EXOC6B: variants seen among roughly 807,000 people sequenced by gnomAD.
EXOC6B encodes the protein SEC15 homolog B.
In EXOC6B, 54 loss-of-function variants were observed where a neutral mutation model predicts 113.5. That is an observed-to-expected ratio of 0.48 (90% confidence interval 0.38 to 0.60). EXOC6B has a LOEUF of 0.60. Ranked by LOEUF, EXOC6B falls within the 20% of genes least tolerant of loss-of-function variation. The pLI, the probability that EXOC6B is intolerant of heterozygous loss-of-function variation, is 0.00. For synonymous variants in EXOC6B, 357 were observed against 339.0 expected (o/e 1.05, Z -0.58); for missense variants, 797 against 977.5 (o/e 0.82, Z 2.46).
chr2:72,631,498 AGAGAGAGAGAGAGAGAGAGAG>A (rs1672463411), intron 6 of EXOC6B, among the ~76,000 whole-genome samples: 1 of 131,018 alleles, frequency 7.6e-6, no homozygotes, highest in Non-Finnish European at 1.6e-5. Flanking sequence ...AGAGAGAGAG[AGAGAGAGAGAGAGAGAGAGAG>A]AGAAAGACAA....
chr2:72,572,271 C>T (rs1485425814), intron 7 of EXOC6B, among the ~76,000 whole-genome samples: 5 of 152,132 alleles, frequency 3.3e-5, no homozygotes, highest in Non-Finnish European at 5.9e-5. Context: ...CCATCCTCAC[C>T]AGGGACCTTG....
chr2:72,564,906 T>A (rs1442122061), intron 7 of EXOC6B, among the ~76,000 whole-genome samples: 1 of 152,026 alleles, frequency 6.6e-6, no homozygotes, highest in Non-Finnish European at 1.5e-5. Flanking sequence ...TTCTGAAAAA[T>A]CCCTAAGCAG....
At chr2:72,782,374 C>T (rs1042035781) in intron 1 of EXOC6B, among the ~76,000 whole-genome samples, 1 of 151,968 alleles carries the variant, frequency 6.6e-6, no homozygotes, top group Non-Finnish European at 1.5e-5. Context: ...TTTACCTTTT[C>T]TTTTTTATTT....
chr2:72,495,247 A>T (rs1197152041), intron 15 of EXOC6B, among the ~76,000 whole-genome samples, 183 bp downstream of exon 15: 1 of 152,226 alleles, frequency 6.6e-6, no homozygotes, highest in Non-Finnish European at 1.5e-5. Flanking sequence ...AAAATTATGC[A>T]AAAGTTACCA....
At chr2:72,497,779 T>C (rs146898666) in intron 13 of EXOC6B, among the ~76,000 whole-genome samples, 4 of 152,246 alleles carry the variant, frequency 2.6e-5, no homozygotes, top group East Asian at 3.9e-4. Flanking sequence ...ATAGGCAGCA[T>C]AATCACTTAA....
chr2:72,302,187 A>C (rs1686572390), intron 20 of EXOC6B, among the ~76,000 whole-genome samples: 1 of 152,196 alleles, frequency 6.6e-6, no homozygotes. Flanking sequence ...TTTTTATTGC[A>C]CTATGGTCCA....
At chr2:72,233,379 A>G (rs1681752486) in intron 20 of EXOC6B, among the ~76,000 whole-genome samples, 2 of 152,084 alleles carry the variant, frequency 1.3e-5, no homozygotes. Context: ...CAGAGGGCAG[A>G]GAGGAGTGAA....
intron 20 of EXOC6B, among the ~76,000 whole-genome samples, chr2:72,204,888 G>T (rs965983190): frequency 2.0e-5 from 3 of 152,160 alleles, no homozygotes; most frequent in African/African-American, 7.2e-5. Context: ...ACATTGCATA[G>T]GTGTCCCAGA....
At chr2:72,277,459 A>G (rs192649369) in intron 20 of EXOC6B, among the ~76,000 whole-genome samples, 258 of 152,066 alleles carry the variant, frequency 1.7e-3, no homozygotes, top group African/African-American at 5.3e-3. Context: ...CTAGTAAGAT[A>G]TGGATGTTGG....
chr2:72,303,588 T>C (rs754067686), intron 20 of EXOC6B, among the ~76,000 whole-genome samples: 2 of 152,168 alleles, frequency 1.3e-5, no homozygotes, highest in Admixed American at 6.5e-5. Context: ...TTCTGTATCA[T>C]TTTATTATTA....
intron 8 of EXOC6B, among the ~76,000 whole-genome samples, chr2:72,517,559 T>C (rs12713772): frequency 0.86 from 131,420 of 152,170 alleles, 57,044 homozygotes; most frequent in East Asian, 0.99. Context: ...GAGGAAACTG[T>C]TAGTTGGTTT....
At chr2:72,517,363 T>C (rs1573307856) in intron 8 of EXOC6B, among the ~76,000 whole-genome samples, 1 of 152,206 alleles carries the variant, frequency 6.6e-6, no homozygotes, top group South Asian at 2.1e-4. Flanking sequence ...ATTTGGTTCA[T>C]GGGTTATGGT....
Position 72,465,247 on chromosome 2 carries a change from G to C in EXOC6B, c.1893C>G (p.Thr631=). The change falls in exon 18 of 22, where the codon ACC becomes ACG. Residue 631 remains threonine, a synonymous_variant. Coordinates refer to ENST00000272427, the MANE Select transcript of EXOC6B (RefSeq NM_015189.3). ...CACTAGCTTTGTTGCCCAAATCTCC[G>C]GTCATCCAGTCATAGTCTGCCAGCT... is the stretch of plus-strand genomic sequence containing the variant. The part of the protein sequence containing the change: ...FLQLADYDWM[T]GDLGNKASDY... The C allele has an allele frequency of 1.2e-6, 2 of 1,610,890 alleles. No homozygotes were observed. Among genetic ancestry groups the C allele is most frequent in the South Asian group, 1.1e-5 (1 of 90,220 alleles).
intron 18 of EXOC6B, among the ~76,000 whole-genome samples, chr2:72,419,056 A>G (rs917717702): frequency 6.6e-6 from 1 of 152,176 alleles, no homozygotes; most frequent in Admixed American, 6.6e-5. Flanking sequence ...TTGAATTTAT[A>G]CCAGCTTAAC....
chr2:72,279,888 C>T (rs986547421), intron 20 of EXOC6B, among the ~76,000 whole-genome samples: 1 of 152,072 alleles, frequency 6.6e-6, no homozygotes, highest in African/African-American at 2.4e-5. Context: ...GTGATCCACC[C>T]ACCTCAGCCT....
At chr2:72,315,596 A>T (rs529752733) in intron 20 of EXOC6B, among the ~76,000 whole-genome samples, 2 of 152,290 alleles carry the variant, frequency 1.3e-5, no homozygotes, top group South Asian at 4.1e-4. Flanking sequence ...TGAGAAGAGA[A>T]ATGATAGTTA....
At chr2:72,274,431 T>A (rs1164156282) in intron 20 of EXOC6B, among the ~76,000 whole-genome samples, 1 of 152,178 alleles carries the variant, frequency 6.6e-6, no homozygotes, top group Admixed American at 6.6e-5. Context: ...ATGTCGAACC[T>A]TAATCACCAA....
At chr2:72,552,746 A>G (rs527356022) in intron 8 of EXOC6B, among the ~76,000 whole-genome samples, 9 of 152,184 alleles carry the variant, frequency 5.9e-5, no homozygotes, top group African/African-American at 1.9e-4. Context: ...AAATCTATCA[A>G]TGAAATTCAC....
intron 6 of EXOC6B, among the ~76,000 whole-genome samples, chr2:72,683,635 T>G (rs1389048128): frequency 2.0e-5 from 3 of 152,198 alleles, no homozygotes; most frequent in Non-Finnish European, 2.9e-5. Flanking sequence ...TATACACCTT[T>G]ATATAATATT....
Sources: gnomAD v4.1 joint callset for allele counts (sites outside exome capture counted in the v4.1 genomes callset) on GRCh38, gnomAD v4.1.1 for gene constraint, MANE v1.5 for transcripts, NCBI Gene and HGNC (gene_info 2026-07-23, HGNC 2026-07-21) for gene names.